The following SWT1 variants were observed in gnomAD, a reference collection of about 807,000 sequenced individuals.
SWT1 encodes the protein transcriptional protein SWT1.
In SWT1, 33 loss-of-function variants were observed where a neutral mutation model predicts 107.3. The ratio of observed to expected loss-of-function variants is 0.31; its 90% CI spans 0.23 to 0.41. The LOEUF is 0.41. Among genes scored for constraint, SWT1 ranks in the 10% least tolerant of loss-of-function variants. SWT1 has a pLI of 1.00. For synonymous variants in SWT1, 345 were observed against 348.3 expected (o/e 0.99, Z 0.11); for missense variants, 898 against 1,028.9 (o/e 0.87, Z 1.74).
At chr1:185,163,177 A>G (rs1311115377) in intron 2 of SWT1, among the ~76,000 whole-genome samples, 1 of 152,064 alleles carries the variant, frequency 6.6e-6, no homozygotes, top group African/African-American at 2.4e-5. Flanking sequence ...TCCTTTCACA[A>G]AAGATTGATC....
chr1:185,178,448 G>T (rs1655749432), intron 5 of SWT1, among the ~76,000 whole-genome samples: 1 of 152,148 alleles, frequency 6.6e-6, no homozygotes, highest in Admixed American at 6.5e-5. Flanking sequence ...TTTCCATTTG[G>T]AATCACTTTG....
chr1:185,163,038 A>G (rs1055332738), intron 2 of SWT1, among the ~76,000 whole-genome samples: 1 of 152,138 alleles, frequency 6.6e-6, no homozygotes, highest in Non-Finnish European at 1.5e-5. Context: ...TCAGAGAGTC[A>G]TAATCTTTGC....
At chr1:185,172,152 ATATAAAT>A (rs1655129107) in intron 4 of SWT1, among the ~76,000 whole-genome samples, 2 of 152,156 alleles carry the variant, frequency 1.3e-5, no homozygotes, top group African/African-American at 4.8e-5. Flanking sequence ...ACATTTACTG[ATATAAAT>A]TAATAGATTG....
At chr1:185,229,689 G>A (rs777332318) in intron 15 of SWT1, among the ~76,000 whole-genome samples, 63 of 152,044 alleles carry the variant, frequency 4.1e-4, no homozygotes, top group Middle Eastern at 6.8e-3. Flanking sequence ...GATGAAGAAA[G>A]AACCAGGTAT....
At chr1:185,286,564 G>A (rs1242928636) in intron 18 of SWT1, among the ~76,000 whole-genome samples, 3 of 152,012 alleles carry the variant, frequency 2.0e-5, no homozygotes, top group Non-Finnish European at 2.9e-5. Context: ...ATTGATTCCC[G>A]AGTATTTTAT....
intron 2 of SWT1, among the ~76,000 whole-genome samples, chr1:185,164,343 G>A (rs1007699249): frequency 7.2e-5 from 11 of 152,152 alleles, no homozygotes; most frequent in Non-Finnish European, 5.9e-5. Flanking sequence ...TGAATGATAA[G>A]TAAGTATTGG....
chr1:185,213,841 T>G (rs1659013481), intron 13 of SWT1, among the ~76,000 whole-genome samples: 1 of 152,186 alleles, frequency 6.6e-6, no homozygotes, highest in East Asian at 1.9e-4. Flanking sequence ...TGTAATTAGT[T>G]TTAGTTCCTT....
At chr1:185,257,462 G>C (rs1269557540) in intron 16 of SWT1, among the ~76,000 whole-genome samples, 1 of 150,962 alleles carries the variant, frequency 6.6e-6, no homozygotes, top group Non-Finnish European at 1.5e-5. Context: ...CTCCGAGCCA[G>C]GTGCGGGATA....
intron 10 of SWT1, among the ~76,000 whole-genome samples, chr1:185,201,253 G>T (rs1453590689): frequency 6.6e-6 from 1 of 152,078 alleles, no homozygotes; most frequent in African/African-American, 2.4e-5. Context: ...ACTTCCAGGG[G>T]AGTGAATGGT....
chr1:185,171,767 A>G, intron 4 of SWT1: 1 of 409,284 alleles, frequency 2.4e-6, no homozygotes, highest in Non-Finnish European at 4.8e-6. Context: ...GCTGGAGTGC[A>G]GTGGCACAGT....
chr1:185,277,218 A>G (rs187472646), intron 18 of SWT1, among the ~76,000 whole-genome samples: 1 of 152,312 alleles, frequency 6.6e-6, no homozygotes, highest in Admixed American at 6.5e-5. Flanking sequence ...TTGTGAGAGC[A>G]AGAGTACAAA....
intron 16 of SWT1, among the ~76,000 whole-genome samples, chr1:185,254,457 T>G (rs1004401868): frequency 1.3e-4 from 18 of 140,168 alleles, no homozygotes; most frequent in African/African-American, 4.6e-4. Flanking sequence ...CAATTTCAGA[T>G]CCTGTTATTG....
At chr1:185,275,593 C>T (rs1188334093) in intron 17 of SWT1, among the ~76,000 whole-genome samples, 2 of 151,496 alleles carry the variant, frequency 1.3e-5, no homozygotes. Context: ...CTATGTTGCT[C>T]AGGCTAGTCT....
intron 2 of SWT1, among the ~76,000 whole-genome samples, chr1:185,161,453 T>C (rs1654138801): frequency 6.6e-6 from 1 of 151,958 alleles, no homozygotes; most frequent in Non-Finnish European, 1.5e-5. Context: ...ACCTATAATC[T>C]TGGCACTTTG....
chr1:185,288,280 G>A (rs184835813), intron 18 of SWT1, among the ~76,000 whole-genome samples: 67 of 152,180 alleles, frequency 4.4e-4, no homozygotes, highest in African/African-American at 1.5e-3. Context: ...AGGTCACACT[G>A]TATTGCTTAG....
rs1665225616 is a variant in SWT1 at position 185,291,056 on chromosome 1, AG to A, written c.*254del. 2 of 226,284 alleles carry A rather than the reference AG, an allele frequency of 8.8e-6. No individual in the cohort carries two copies. Among genetic ancestry groups the A allele is most frequent in the East Asian group, 1.8e-4 (2 of 10,966 alleles). The allele number at this position is 226,284 out of a possible 1,614,324, so 14.0% of individuals were successfully genotyped here. ...CTCCCTACCTCTATTCTTGATAGTG[AG>A]CCAGTATCTCTAAGGAAAGGAGAGC... is the stretch of plus-strand genomic sequence containing the variant. On this transcript the variant is annotated 3_prime_UTR_variant, in exon 19 of 19. Transcript: ENST00000367500.
intron 16 of SWT1, among the ~76,000 whole-genome samples, chr1:185,244,526 A>C (rs1311823296): frequency 6.6e-6 from 1 of 152,130 alleles, no homozygotes; most frequent in Non-Finnish European, 1.5e-5. Context: ...CACTTACCAC[A>C]ATGTAGCTTG....
At chr1:185,273,012 G>A (rs1663985121) in intron 17 of SWT1, among the ~76,000 whole-genome samples, 1 of 151,696 alleles carries the variant, frequency 6.6e-6, no homozygotes, top group African/African-American at 2.4e-5. Context: ...CAGCCTGGTT[G>A]ACAGAGCAAG....
intron 15 of SWT1, among the ~76,000 whole-genome samples, chr1:185,222,494 C>A (rs1029795503): frequency 2.6e-5 from 4 of 151,826 alleles, no homozygotes; most frequent in Admixed American, 2.6e-4. Flanking sequence ...TGGTGGCTTA[C>A]ACCCATAGTC....
Sources: gnomAD v4.1 joint callset for allele counts (sites outside exome capture counted in the v4.1 genomes callset) on GRCh38, gnomAD v4.1.1 for gene constraint, MANE v1.5 for transcripts, NCBI Gene and HGNC (gene_info 2026-07-23, HGNC 2026-07-21) for gene names.